Variants in COL24A1 observed in about 807,000 individuals in gnomAD.
The protein encoded by COL24A1 is collagen type XXIV alpha 1 chain, also known as collagen alpha-1(XXIV) chain.
In COL24A1, 224 loss-of-function variants were observed where a neutral mutation model predicts 253.9. That is an observed-to-expected ratio of 0.88 (90% CI 0.79 to 0.99). The LOEUF (loss-of-function observed/expected upper bound fraction) is 0.99, where lower values mean the gene tolerates loss of function less well. Ranked by LOEUF, COL24A1 falls within the 50% of genes least tolerant of loss-of-function variation. The pLI is 0.00. For missense variants in COL24A1, 2,131 were observed against 2,068.5 expected, an observed-to-expected ratio of 1.03 and a Z score of -0.59; for synonymous variants, 685 against 673.7, an observed-to-expected ratio of 1.02 and a Z score of -0.26.
intron 14 of COL24A1, among the ~76,000 whole-genome samples, chr1:86,023,900 A>G (rs901281935): frequency 2.0e-5 from 3 of 151,654 alleles, no homozygotes; most frequent in East Asian, 1.9e-4. Flanking sequence ...CTTCCTTACT[A>G]CTCTTTATAA....
At chr1:85,853,317 C>T (rs1359155654) in intron 37 of COL24A1, among the ~76,000 whole-genome samples, 2 of 152,150 alleles carry the variant, frequency 1.3e-5, no homozygotes, top group African/African-American at 2.4e-5. Flanking sequence ...TTTTCTATGG[C>T]TGCATAGGAT....
intron 39 of COL24A1, among the ~76,000 whole-genome samples, chr1:85,844,944 C>A (rs181033559): frequency 6.6e-6 from 1 of 151,916 alleles, no homozygotes. Flanking sequence ...TTTACCAACC[C>A]ATTTTATATG....
At chr1:85,814,577 C>A (rs1672878958) in intron 47 of COL24A1, among the ~76,000 whole-genome samples, 1 of 152,134 alleles carries the variant, frequency 6.6e-6, no homozygotes, top group South Asian at 2.1e-4. Context: ...CCTAGCAGGT[C>A]CAGAAAGCAC....
At chr1:85,773,719 T>C (rs1362004392) in intron 53 of COL24A1, among the ~76,000 whole-genome samples, 1 of 152,216 alleles carries the variant, frequency 6.6e-6, no homozygotes, top group Non-Finnish European at 1.5e-5. Flanking sequence ...CACAATGATT[T>C]TGTATCCTGA....
At chr1:86,000,403 A>T (rs1463233583) in intron 19 of COL24A1, among the ~76,000 whole-genome samples, 1 of 152,362 alleles carries the variant, frequency 6.6e-6, no homozygotes, top group Non-Finnish European at 1.5e-5. Context: ...TGCACATAGC[A>T]GAAACCTAAT....
chr1:86,067,871 T>C (rs1701604620), intron 7 of COL24A1, among the ~76,000 whole-genome samples: 1 of 152,212 alleles, frequency 6.6e-6, no homozygotes, highest in African/African-American at 2.4e-5. Context: ...TTATTTTCTA[T>C]ACTCATACAG....
chr1:85,862,049 C>T (rs754361277), intron 37 of COL24A1, among the ~76,000 whole-genome samples: 22 of 152,182 alleles, frequency 1.4e-4, no homozygotes, highest in Non-Finnish European at 2.9e-4. Flanking sequence ...AGCCTTCTCT[C>T]ACTACCCTAG....
Position 85,838,571 on chromosome 1 carries a change from TA to T in COL24A1, c.3681+13del. 6.2e-7 allele frequency: 1 copy of T among 1,612,220 alleles called. No individual in the cohort carries two copies. The highest frequency in any genetic ancestry group is 8.5e-7 in the Non-Finnish European group (1 of 1,178,314). The stretch of plus-strand genomic sequence containing the variant: ...TATTTAAATTCATTAGTAAGGGGTA[TA>T]ACTTGCAATTACCTTATATCCCTCT... On this transcript the variant is annotated intron_variant, in intron 43 of 59. Coordinates refer to ENST00000370571, the MANE Select transcript of COL24A1 (RefSeq NM_152890.7).
chr1:85,923,523 A>G (rs1686791972), intron 24 of COL24A1, among the ~76,000 whole-genome samples: 1 of 152,212 alleles, frequency 6.6e-6, no homozygotes, highest in Non-Finnish European at 1.5e-5. Context: ...AACTCACTCA[A>G]AACTGTACAA....
intron 37 of COL24A1, among the ~76,000 whole-genome samples, chr1:85,852,627 A>AT (rs1677895996): frequency 6.6e-6 from 1 of 152,108 alleles, no homozygotes; most frequent in Admixed American, 6.6e-5. Context: ...CTGTCCATTT[A>AT]TTTAGTTCTT....
chr1:86,082,404 C>T (rs1440707638), intron 7 of COL24A1, among the ~76,000 whole-genome samples: 1 of 151,798 alleles, frequency 6.6e-6, no homozygotes, highest in Non-Finnish European at 1.5e-5. Flanking sequence ...AGATAGCATA[C>T]TTGTCCACTA....
At chr1:85,734,599 A>C in intron 59 of COL24A1, 150 bp downstream of exon 59, 1 of 661,340 alleles carries the variant, frequency 1.5e-6, no homozygotes, top group Non-Finnish European at 2.6e-6. Flanking sequence ...GATTCTAGAA[A>C]ATGCAGTTAC....
chr1:85,740,812 A>T (rs1433989803), intron 57 of COL24A1, among the ~76,000 whole-genome samples: 2 of 150,258 alleles, frequency 1.3e-5, no homozygotes, highest in Non-Finnish European at 3.0e-5. Context: ...GTGTTCCTAT[A>T]GAAGAATTAT....
chr1:85,764,889 C>T (rs1667204800), intron 53 of COL24A1, among the ~76,000 whole-genome samples: 1 of 152,094 alleles, frequency 6.6e-6, no homozygotes, highest in Non-Finnish European at 1.5e-5. Context: ...GCTGGTACCA[C>T]AGGCATGTGC....
At position 85,781,315 on chromosome 1, in the gene COL24A1, T is replaced by G. The variant is rs1553174198; in HGVS notation, c.4285-42A>C. ...AAAACAGTCTCACTGTTAGTATAAT[T>G]AAAAAAAAAAAAACTCCACAGAATC... On this transcript the variant is annotated intron_variant, in intron 51 of 59. Coordinates refer to ENST00000370571, the MANE Select transcript of COL24A1 (RefSeq NM_152890.7). The G allele has an allele frequency of 2.7e-5, 29 of 1,077,654 alleles. No homozygotes were observed. In the South Asian group the frequency reaches 4.4e-4, roughly 16 times the overall value. 66.8% of individuals were successfully genotyped at this position (1,077,654 alleles called of 1,614,324 possible).
chr1:85,736,704 A>G (rs1664096690), intron 58 of COL24A1: 1 of 339,506 alleles, frequency 2.9e-6, no homozygotes, highest in Non-Finnish European at 5.8e-6. Flanking sequence ...AGGCACATGT[A>G]TCAGTTCTTT....
chr1:86,011,314 G>T (rs1177168531), intron 19 of COL24A1, among the ~76,000 whole-genome samples: 2 of 151,984 alleles, frequency 1.3e-5, no homozygotes, highest in Admixed American at 6.6e-5. Context: ...TCTGATTTTA[G>T]CCTTATAGAA....
chr1:85,782,088 A>T (rs1428659316), intron 51 of COL24A1, among the ~76,000 whole-genome samples: 1 of 152,114 alleles, frequency 6.6e-6, no homozygotes, highest in Non-Finnish European at 1.5e-5. Context: ...TTGAATTAGT[A>T]TTGTTTTAAC....
intron 37 of COL24A1, among the ~76,000 whole-genome samples, chr1:85,858,259 C>T (rs541324036): frequency 2.0e-4 from 30 of 152,336 alleles, no homozygotes; most frequent in Non-Finnish European, 3.4e-4. Context: ...TTCCAAATGA[C>T]TGTCCATTGC....
Sources: allele counts gnomAD v4.1 joint callset (sites outside exome capture counted in the v4.1 genomes callset), GRCh38; gene constraint gnomAD v4.1.1; transcripts MANE v1.5; gene names NCBI Gene and HGNC (gene_info 2026-07-23, HGNC 2026-07-21).